Variants in LLGL2 observed in about 807,000 individuals in gnomAD.
LLGL2 encodes LLGL2, scribble cell polarity complex component.
LLGL2 carries 81 observed loss-of-function variants against 123.2 expected under a neutral mutation model. The observed-to-expected ratio is 0.66, with a 90% confidence interval of 0.55 to 0.79. The LOEUF (loss-of-function observed/expected upper bound fraction) is 0.79, where lower values mean the gene tolerates loss of function less well. LLGL2 is among the 30% of genes least tolerant of loss of function. The pLI, the probability that LLGL2 is intolerant of heterozygous loss-of-function variation, is 0.00. For synonymous variants in LLGL2, 577 were observed against 594.1 expected (o/e 0.97, Z 0.42); for missense variants, 1,273 against 1,414.6 (o/e 0.90, Z 1.61).
At chr17:75,528,450 A>G (rs1022663451) in intron 1 of LLGL2, among the ~76,000 whole-genome samples, 3 of 152,078 alleles carry the variant, frequency 2.0e-5, no homozygotes, top group African/African-American at 7.2e-5. Context: ...ACATTAAAAG[A>G]AAAAAAGGCC....
chr17:75,559,028 G>T lies in LLGL2; in HGVS notation c.372-224G>T, dbSNP rs542305083. 1.2e-4 allele frequency: 61 copies of T among 512,060 alleles called. No homozygotes were observed. In the East Asian group the frequency reaches 1.7e-3, roughly 15 times the overall value. 31.7% of individuals were successfully genotyped at this position (512,060 alleles called of 1,614,324 possible). ...CCCGCCTCCTCCATCCGCACCCCGT[G>T]TTATGCTGGAGGGTCCCTGGCGTCT... On this transcript the variant is annotated intron_variant, in intron 5 of 25. Coordinates refer to ENST00000392550, the MANE Select transcript of LLGL2 (RefSeq NM_001031803.2). The surrounding 1 kb of genome is among the most constrained non-coding windows in gnomAD (Gnocchi z 4.6).
rs1257527377 is a variant in LLGL2 at position 75,563,004 on chromosome 17, C to A, written c.531-12C>A. The stretch of plus-strand genomic sequence containing the variant: ...GACGGCATCGGAGGCTCACGGCACT[C>A]CCCTCGCCCAGGTTGCCAGAGGAGG... On this transcript the variant is annotated splice_polypyrimidine_tract_variant and intron_variant, in intron 6 of 25. Coordinates refer to ENST00000392550, the MANE Select transcript of LLGL2 (RefSeq NM_001031803.2). 6.2e-7 allele frequency: 1 copy of A among 1,610,398 alleles called. No individual in the cohort carries two copies.
At chr17:75,548,207 G>A (rs1025947529) in intron 2 of LLGL2, among the ~76,000 whole-genome samples, 3 of 151,816 alleles carry the variant, frequency 2.0e-5, no homozygotes, top group East Asian at 1.9e-4. Flanking sequence ...GGGATATTCC[G>A]CCTGTACTTG....
At chr17:75,570,916 A>G in intron 16 of LLGL2, 34 bp from the exon 17 acceptor site, 1 of 1,575,136 alleles carries the variant, frequency 6.3e-7, no homozygotes, top group Admixed American at 1.8e-5. Flanking sequence ...AGGGGAGTCC[A>G]GAGCTGACCC....
At chr17:75,528,933 C>A (rs948684275) in intron 1 of LLGL2, among the ~76,000 whole-genome samples, 1 of 151,932 alleles carries the variant, frequency 6.6e-6, no homozygotes, top group Non-Finnish European at 1.5e-5. Flanking sequence ...CGGAAGCAGG[C>A]GGATCACAAG....
intron 1 of LLGL2, chr17:75,543,169 C>T: frequency 3.1e-6 from 1 of 322,104 alleles, no homozygotes; most frequent in Admixed American, 5.0e-5. Flanking sequence ...TTCCTACCCC[C>T]ATTATAAGGC....
intron 2 of LLGL2, among the ~76,000 whole-genome samples, chr17:75,547,088 T>C (rs2054463089): frequency 6.6e-6 from 1 of 152,254 alleles, no homozygotes; most frequent in Non-Finnish European, 1.5e-5. Context: ...GAACCAGTTC[T>C]GGCCTTTTTG....
rs1671026 is a variant in LLGL2 at position 75,564,122 on chromosome 17, G to A, written c.882-231G>A. 0.29 allele frequency among the ~76,000 whole-genome samples: 44,874 copies of A among 152,118 alleles called. 6,922 individuals carry two copies. Among genetic ancestry groups the A allele is most frequent in the African/African-American group, 0.38 (15,666 of 41,476 alleles). On this transcript the variant is annotated intron_variant, in intron 9 of 25. Coordinates refer to ENST00000392550, the MANE Select transcript of LLGL2 (RefSeq NM_001031803.2). This position sits in a 1 kb window ranked among gnomAD's most constrained non-coding sequence, Gnocchi z 4.9. ...TCTGGGTGATGTTCAAACAGAATTG[G>A]TGGGGGCACCCAGCATGAGGCAGGA...
intron 10 of LLGL2, among the ~76,000 whole-genome samples, chr17:75,565,287 G>A (rs1376983620): frequency 6.6e-6 from 1 of 152,212 alleles, no homozygotes; most frequent in East Asian, 1.9e-4. Flanking sequence ...TTGAAACCTG[G>A]AGAGGAGCCC....
At chr17:75,541,715 CTTTTTTTTTTTTTT>C (rs56656168) in intron 1 of LLGL2, among the ~76,000 whole-genome samples, 5 of 31,510 alleles carry the variant, frequency 1.6e-4, no homozygotes, top group African/African-American at 4.1e-4. Flanking sequence ...TGTGGCTCTG[CTTTTTTTTTTTTTT>C]TTTTTTTTTT....
At chr17:75,535,939 T>G (rs2053984892) in intron 1 of LLGL2, among the ~76,000 whole-genome samples, 1 of 152,204 alleles carries the variant, frequency 6.6e-6, no homozygotes, top group Admixed American at 6.5e-5. Flanking sequence ...GTCGATCAGC[T>G]GCCCACAGGG....
intron 2 of LLGL2, among the ~76,000 whole-genome samples, chr17:75,543,929 G>A (rs1201852322): frequency 1.3e-5 from 2 of 152,178 alleles, no homozygotes. Flanking sequence ...GGCCATGGCT[G>A]TTTCTCCCTT....
chr17:75,545,790 T>C (rs1262934909), intron 2 of LLGL2, among the ~76,000 whole-genome samples: 1 of 152,046 alleles, frequency 6.6e-6, no homozygotes, highest in Non-Finnish European at 1.5e-5. Flanking sequence ...CCGACTAAGA[T>C]AGGTGACAGC....
At chr17:75,563,919 G>A in intron 9 of LLGL2, 113 bp downstream of exon 9, 1 of 1,080,108 alleles carries the variant, frequency 9.3e-7, no homozygotes, top group South Asian at 1.3e-5. Context: ...CAGGTCCCGT[G>A]TTGGGGTCTT....
rs1403511132 is a variant in LLGL2 at position 75,573,466 on chromosome 17, GC to G, written c.2726-10del. ...GCCGCCAGGCCAGGCCGCTAGCATT[GC>G]CCCCACTCCCCAGGCTTCTACCTGA... On this transcript the variant is annotated splice_polypyrimidine_tract_variant and intron_variant, in intron 20 of 25. Coordinates refer to ENST00000392550, the MANE Select transcript of LLGL2 (RefSeq NM_001031803.2). 1 of 1,597,606 alleles carries G rather than the reference GC, an allele frequency of 6.3e-7. No homozygotes were observed. The highest frequency in any genetic ancestry group is 8.6e-7 in the Non-Finnish European group (1 of 1,167,276).
chr17:75,569,955 C>T lies in LLGL2; in HGVS notation c.1582-8C>T. 6.3e-7 allele frequency: 1 copy of T among 1,576,626 alleles called. No individual in the cohort carries two copies. The highest frequency in any genetic ancestry group is 1.7e-5 in the Admixed American group (1 of 57,420). On this transcript the variant is annotated splice_polypyrimidine_tract_variant and splice_region_variant and intron_variant, in intron 14 of 25. Coordinates refer to ENST00000392550, the MANE Select transcript of LLGL2 (RefSeq NM_001031803.2). ...AGGGCTTGCTGAGCCACCTGCCACC[C>T]TGCGCAGGTGCTGGTACTGGAACTG...
In LLGL2 at chr17:75,553,621, T is replaced by TAA. The variant is rs2147312275; in HGVS notation, c.76-2425_76-2424insAA. Reference sequence around the variant, plus strand: ...TGCAAGTCAGAGTCTCTGTGGTTGTTTTTTAAGTCTTTAAAGCAATCAGTT... The same window carrying TAA: ...TGCAAGTCAGAGTCTCTGTGGTTGTTAATTTTAAGTCTTTAAAGCAATCAGTT... On this transcript the variant is annotated intron_variant, in intron 2 of 25. Transcript: ENST00000392550. 1.3e-5 allele frequency among the ~76,000 whole-genome samples: 2 copies of TAA among 152,312 alleles called. 1 individual carries two copies. Among genetic ancestry groups the TAA allele is most frequent in the South Asian group, 4.1e-4 (2 of 4,828 alleles).
chr17:75,563,271 G>T, intron 7 of LLGL2, 60 bp from the exon 8 acceptor site: 2 of 1,603,262 alleles, frequency 1.2e-6, no homozygotes, highest in Non-Finnish European at 1.7e-6. Flanking sequence ...GGGTGCAGGC[G>T]ATGGGAACGC....
intron 1 of LLGL2, among the ~76,000 whole-genome samples, chr17:75,532,824 A>T (rs1010807910): frequency 6.6e-6 from 1 of 152,198 alleles, no homozygotes; most frequent in South Asian, 2.1e-4. Flanking sequence ...TCCGAACAGG[A>T]TGCCAGGCAT....
Sources: gnomAD v4.1 joint callset for allele counts (sites outside exome capture counted in the v4.1 genomes callset) on GRCh38, gnomAD v4.1.1 for gene constraint, Gnocchi (gnomAD v3.1) non-coding constraint, MANE v1.5 for transcripts, NCBI Gene and HGNC (gene_info 2026-07-23, HGNC 2026-07-21) for gene names.